ROBO2: variants seen among roughly 807,000 people sequenced by gnomAD.
The protein encoded by ROBO2 is roundabout homolog 2.
Under a neutral mutation model 160.8 loss-of-function variants are expected in ROBO2, and 53 were observed. The ratio of observed to expected loss-of-function variants is 0.33; its 90% CI spans 0.26 to 0.41. The LOEUF (loss-of-function observed/expected upper bound fraction) is 0.41. Among genes scored for constraint, ROBO2 ranks in the 10% least tolerant of loss-of-function variants. The probability of loss-of-function intolerance (pLI) is 1.00; values close to 1 mark genes in which losing one functional copy is unlikely to be tolerated. For missense variants in ROBO2, 1,577 were observed against 1,722.4 expected, an observed-to-expected ratio of 0.92 and a Z score of 1.49; for synonymous variants, 664 against 611.7, an observed-to-expected ratio of 1.09 and a Z score of -1.26.
intron 2 of ROBO2, among the ~76,000 whole-genome samples, chr3:77,335,936 G>T (rs560713343): frequency 1.3e-5 from 2 of 152,264 alleles, no homozygotes; most frequent in South Asian, 2.1e-4. Context: ...AAAAACCTCA[G>T]AAATTAAATG....
In ROBO2 at chr3:77,522,794, T is replaced by C. The variant is rs780389541; in HGVS notation, c.826T>C (p.Tyr276His). The change falls in exon 6 of 26, where the codon TAC (tyrosine) becomes CAC (histidine). Residue 276 changes from tyrosine (Y) to histidine (H), a missense_variant. Transcript: ENST00000461745. ...ACACAGGTATGACATCAAAGACGAT[T>C]ACACACTAAGAATTAAAAAGACCAT... 38 of 1,609,062 alleles carry C rather than the reference T, an allele frequency of 2.4e-5. No homozygotes were observed. The highest frequency in any genetic ancestry group is 3.1e-5 in the Non-Finnish European group (36 of 1,176,502).
At chr3:76,864,591 C>G (rs1307599468) in intron 2 of ROBO2, among the ~76,000 whole-genome samples, 1 of 152,004 alleles carries the variant, frequency 6.6e-6, no homozygotes, top group Non-Finnish European at 1.5e-5. Flanking sequence ...ATCAAAAATT[C>G]TGTCACCGTA....
At chr3:77,158,528 A>C (rs2078210861) in intron 2 of ROBO2, among the ~76,000 whole-genome samples, 1 of 152,134 alleles carries the variant, frequency 6.6e-6, no homozygotes, top group South Asian at 2.1e-4. Flanking sequence ...GAATATTATT[A>C]CTGGTTTACT....
intron 2 of ROBO2, among the ~76,000 whole-genome samples, chr3:76,787,674 A>T (rs1043780179): frequency 6.6e-6 from 1 of 151,460 alleles, no homozygotes; most frequent in African/African-American, 2.4e-5. Flanking sequence ...GAAGTGACAA[A>T]GTTGTTAGCT....
At chr3:76,044,392 A>G (rs543590244) in intron 2 of ROBO2, among the ~76,000 whole-genome samples, 5 of 152,196 alleles carry the variant, frequency 3.3e-5, no homozygotes, top group African/African-American at 1.2e-4. Flanking sequence ...TCCATAATTC[A>G]TATAACCTCC....
At chr3:76,544,018 A>G (rs920311329) in intron 2 of ROBO2, among the ~76,000 whole-genome samples, 3 of 152,054 alleles carry the variant, frequency 2.0e-5, no homozygotes, top group African/African-American at 7.2e-5. Flanking sequence ...ACTGCTTATG[A>G]GGGAAAAATC....
intron 2 of ROBO2, among the ~76,000 whole-genome samples, chr3:76,848,151 T>G (rs894909114): frequency 2.6e-5 from 4 of 152,190 alleles, no homozygotes; most frequent in Admixed American, 2.6e-4. Flanking sequence ...CTGATTCATC[T>G]TTTTTGTTCC....
At chr3:77,352,777 G>C (rs2068535158) in intron 2 of ROBO2, among the ~76,000 whole-genome samples, 1 of 152,100 alleles carries the variant, frequency 6.6e-6, no homozygotes, top group African/African-American at 2.4e-5. Flanking sequence ...TCTTTCTATT[G>C]AGTTGATCTT....
At chr3:75,948,800 T>G (rs1178949635) in intron 2 of ROBO2, among the ~76,000 whole-genome samples, 2 of 152,166 alleles carry the variant, frequency 1.3e-5, no homozygotes, top group Non-Finnish European at 2.9e-5. Flanking sequence ...GAATATCCCA[T>G]TTTCATTATA....
At chr3:76,492,194 T>G (rs1408964071) in intron 2 of ROBO2, among the ~76,000 whole-genome samples, 3 of 152,182 alleles carry the variant, frequency 2.0e-5, no homozygotes, top group African/African-American at 7.2e-5. Flanking sequence ...AAATATAGGC[T>G]CAGTGATAAA....
chr3:76,986,782 A>C (rs773473185), intron 2 of ROBO2, among the ~76,000 whole-genome samples: 25 of 152,268 alleles, frequency 1.6e-4, no homozygotes, highest in African/African-American at 6.0e-4. Flanking sequence ...TGACTATGCT[A>C]TTAGCAAATT....
intron 2 of ROBO2, among the ~76,000 whole-genome samples, chr3:76,321,264 TCC>T (rs2072499688): frequency 6.6e-6 from 1 of 152,198 alleles, no homozygotes; most frequent in African/African-American, 2.4e-5. Context: ...ACACCTGTAA[TCC>T]CAGACTTTGG....
At chr3:76,816,874 G>A (rs1240760651) in intron 2 of ROBO2, among the ~76,000 whole-genome samples, 1 of 152,024 alleles carries the variant, frequency 6.6e-6, no homozygotes, top group Non-Finnish European at 1.5e-5. Flanking sequence ...ATACACCATG[G>A]AATACTATGT....
chr3:76,760,148 G>C (rs560894127), intron 2 of ROBO2, among the ~76,000 whole-genome samples: 1 of 151,866 alleles, frequency 6.6e-6, no homozygotes, highest in African/African-American at 2.4e-5. Context: ...TATCATATCA[G>C]CTCCCTCAAA....
At chr3:76,220,763 A>ACG (rs1703913691) in intron 2 of ROBO2, among the ~76,000 whole-genome samples, 1 of 152,192 alleles carries the variant, frequency 6.6e-6, no homozygotes, top group African/African-American at 2.4e-5. Context: ...ACACACACAC[A>ACG]CACAGACATG....
chr3:76,261,132 C>A (rs1706718168), intron 2 of ROBO2, among the ~76,000 whole-genome samples: 2 of 150,524 alleles, frequency 1.3e-5, no homozygotes, highest in Admixed American at 1.3e-4. Flanking sequence ...TCAACAGAAC[C>A]TTAGTTGTGC....
intron 2 of ROBO2, among the ~76,000 whole-genome samples, chr3:76,826,858 G>C (rs558841896): frequency 1.3e-5 from 2 of 152,256 alleles, no homozygotes; most frequent in Admixed American, 1.3e-4. Context: ...CCAGAAGTAA[G>C]AGCAAAGTAG....
At chr3:76,968,321 C>A (rs1279143119) in intron 2 of ROBO2, among the ~76,000 whole-genome samples, 1 of 152,100 alleles carries the variant, frequency 6.6e-6, no homozygotes, top group Non-Finnish European at 1.5e-5. Flanking sequence ...GTCCCAGAAA[C>A]CATCTACAAC....
chr3:77,526,085 T>C (rs370075859), intron 6 of ROBO2, among the ~76,000 whole-genome samples: 46 of 151,500 alleles, frequency 3.0e-4, no homozygotes, highest in African/African-American at 1.1e-3. Flanking sequence ...CTCACTCCTC[T>C]TTTCCTCTGG....
Sources: gnomAD v4.1 joint callset for allele counts (sites outside exome capture counted in the v4.1 genomes callset) on GRCh38, gnomAD v4.1.1 for gene constraint, MANE v1.5 for transcripts, NCBI Gene and HGNC (gene_info 2026-07-23, HGNC 2026-07-21) for gene names.